Variants in DLG2 observed in about 807,000 individuals in gnomAD.
DLG2 encodes discs large MAGUK scaffold protein 2.
Under a neutral mutation model 132.5 loss-of-function variants are expected in DLG2, and 45 were observed. The observed-to-expected ratio is 0.34, with a 90% CI of 0.27 to 0.44. The LOEUF (loss-of-function observed/expected upper bound fraction) is 0.44, where lower values mean the gene tolerates loss of function less well. DLG2 is among the 20% of genes least tolerant of loss of function. The pLI is 1.00. For synonymous variants in DLG2, 424 were observed against 419.6 expected (o/e 1.01, Z -0.13); for missense variants, 1,045 against 1,196.9 (o/e 0.87, Z 1.87).
intron 3 of DLG2, among the ~76,000 whole-genome samples, chr11:85,395,232 G>C (rs1391732554): frequency 6.6e-6 from 1 of 152,200 alleles, no homozygotes; most frequent in Non-Finnish European, 1.5e-5. Context: ...TTTAGGAAGA[G>C]CCTCACAGAA....
chr11:84,418,790 C>A (rs1439196702), intron 7 of DLG2, among the ~76,000 whole-genome samples: 1 of 152,176 alleles, frequency 6.6e-6, no homozygotes. Context: ...ATGCTCTTAT[C>A]CCGTTGCTTT....
intron 3 of DLG2, among the ~76,000 whole-genome samples, chr11:85,593,571 T>C (rs914379133): frequency 1.3e-5 from 2 of 152,148 alleles, no homozygotes; most frequent in Non-Finnish European, 2.9e-5. Context: ...CAAAAAAAGA[T>C]ATAAATAAAC....
intron 3 of DLG2, among the ~76,000 whole-genome samples, chr11:85,524,504 T>G (rs1334135127): frequency 9.4e-6 from 1 of 106,112 alleles, no homozygotes; most frequent in Non-Finnish European, 2.0e-5. Context: ...TTTTATTTCA[T>G]TTTTTTGAGA....
intron 6 of DLG2, among the ~76,000 whole-genome samples, chr11:85,059,559 C>T (rs1466906382): frequency 6.6e-6 from 1 of 151,512 alleles, no homozygotes; most frequent in Non-Finnish European, 1.5e-5. Context: ...AATGGATCAC[C>T]ATATGGGAAT....
At chr11:83,810,126 CT>C (rs1308236632) in intron 17 of DLG2, among the ~76,000 whole-genome samples, 1 of 152,034 alleles carries the variant, frequency 6.6e-6, no homozygotes, top group Non-Finnish European at 1.5e-5. Context: ...TCTTTTCTTT[CT>C]TTTTCAGGCT....
chr11:85,490,672 T>A (rs1258421567), intron 3 of DLG2, among the ~76,000 whole-genome samples: 1 of 152,032 alleles, frequency 6.6e-6, no homozygotes. Context: ...AAGCACTATA[T>A]GCTCACAAAC....
intron 7 of DLG2, among the ~76,000 whole-genome samples, chr11:84,285,401 T>C (rs981308755): frequency 4.6e-5 from 7 of 152,192 alleles, no homozygotes; most frequent in African/African-American, 1.4e-4. Context: ...CTCTGTGACC[T>C]AGCCCCACAG....
intron 3 of DLG2, among the ~76,000 whole-genome samples, chr11:85,388,604 C>T (rs1056138536): frequency 1.3e-5 from 2 of 152,196 alleles, no homozygotes; most frequent in African/African-American, 4.8e-5. Flanking sequence ...CTTCACTCCC[C>T]TGCTAACTCC....
chr11:85,144,941 G>A (rs1475817925), intron 5 of DLG2, among the ~76,000 whole-genome samples: 1 of 151,974 alleles, frequency 6.6e-6, no homozygotes, highest in Non-Finnish European at 1.5e-5. Flanking sequence ...ATTTCTTATT[G>A]TTTGTTAATG....
intron 7 of DLG2, among the ~76,000 whole-genome samples, chr11:84,441,755 C>G (rs527775886): frequency 3.0e-4 from 46 of 152,102 alleles, no homozygotes; most frequent in African/African-American, 1.1e-3. Context: ...CTCAAAGAGC[C>G]CTATATAGCT....
At chr11:83,760,640 G>T (rs894179100) in intron 18 of DLG2, among the ~76,000 whole-genome samples, 2 of 152,074 alleles carry the variant, frequency 1.3e-5, no homozygotes, top group African/African-American at 2.4e-5. Flanking sequence ...ACAGGTGTGA[G>T]CCACTGCTCC....
chr11:84,713,080 T>A (rs562058513), intron 6 of DLG2, among the ~76,000 whole-genome samples: 1 of 152,262 alleles, frequency 6.6e-6, no homozygotes, highest in South Asian at 2.1e-4. Flanking sequence ...CTCTCATCAG[T>A]GTACCTTACA....
At chr11:83,899,141 A>G (rs1383853442) in intron 15 of DLG2, among the ~76,000 whole-genome samples, 1 of 151,346 alleles carries the variant, frequency 6.6e-6, no homozygotes, top group Non-Finnish European at 1.5e-5. Flanking sequence ...TACATGACTT[A>G]CTCTTGTTGC....
At chr11:85,059,527 A>C (rs543667266) in intron 6 of DLG2, among the ~76,000 whole-genome samples, 1 of 151,816 alleles carries the variant, frequency 6.6e-6, no homozygotes, top group East Asian at 1.9e-4. Flanking sequence ...CAGAGTGAAC[A>C]AATAGTGAGG....
At chr11:84,021,511 T>C (rs1044068831) in intron 11 of DLG2, among the ~76,000 whole-genome samples, 1 of 152,154 alleles carries the variant, frequency 6.6e-6, no homozygotes, top group East Asian at 1.9e-4. Flanking sequence ...AGTCTGGTCC[T>C]TAAGCAGCTG....
At chr11:83,905,049 T>C (rs949702097) in intron 15 of DLG2, among the ~76,000 whole-genome samples, 2 of 152,152 alleles carry the variant, frequency 1.3e-5, no homozygotes, top group Non-Finnish European at 2.9e-5. Flanking sequence ...CTTAATCTAC[T>C]TTCAGTATCA....
intron 14 of DLG2, among the ~76,000 whole-genome samples, chr11:83,961,296 G>T (rs1042759031): frequency 1.3e-5 from 2 of 151,934 alleles, no homozygotes; most frequent in Admixed American, 1.3e-4. Flanking sequence ...TTCAACTATG[G>T]TCTAGTTGTT....
chr11:83,586,649 T>C (rs1244147820), intron 19 of DLG2, among the ~76,000 whole-genome samples: 1 of 152,258 alleles, frequency 6.6e-6, no homozygotes, highest in African/African-American at 2.4e-5. Context: ...TTGTTACTTA[T>C]AGTAACTACT....
chr11:83,817,400 A>T (rs538419221), intron 17 of DLG2, among the ~76,000 whole-genome samples: 46 of 152,282 alleles, frequency 3.0e-4, no homozygotes, highest in African/African-American at 9.4e-4. Flanking sequence ...ACAATGTCAG[A>T]TATAGTTACA....
Sources: allele counts gnomAD v4.1 joint callset (sites outside exome capture counted in the v4.1 genomes callset), GRCh38; gene constraint gnomAD v4.1.1; transcripts MANE v1.5; gene names NCBI Gene and HGNC (gene_info 2026-07-23, HGNC 2026-07-21).